The following GALNT2 variants were observed in gnomAD, a reference collection of about 807,000 sequenced individuals.
GALNT2 encodes the protein UDP-GalNAc:polypeptide N-acetylgalactosaminyltransferase 2.
GALNT2 carries 31 observed loss-of-function variants against 81.4 expected under a neutral mutation model. The ratio of observed to expected loss-of-function variants is 0.38; its 90% confidence interval spans 0.29 to 0.51. GALNT2 has a LOEUF of 0.51. GALNT2 is among the 20% of genes least tolerant of loss of function. The pLI is 0.87. For missense variants in GALNT2, 629 were observed against 765.7 expected, an observed-to-expected ratio of 0.82 and a Z score of 2.11; for synonymous variants, 303 against 287.4, an observed-to-expected ratio of 1.05 and a Z score of -0.55.
chr1:230,279,548 G>A lies in GALNT2; in HGVS notation c.*90G>A, dbSNP rs1006424719. The A allele has an allele frequency of 8.3e-6, 12 of 1,451,700 alleles. No homozygotes were observed. The highest frequency in any genetic ancestry group is 1.4e-5 in the African/African-American group (1 of 71,108). 89.9% of individuals were successfully genotyped at this position (1,451,700 alleles called of 1,614,324 possible). On this transcript the variant is annotated 3_prime_UTR_variant, in exon 16 of 16. Coordinates refer to ENST00000366672, the MANE Select transcript of GALNT2 (RefSeq NM_004481.5). The surrounding 1 kb of genome is among the most constrained non-coding windows in gnomAD (Gnocchi z 4.6). ...ATTGATTATGTTTCTTAAACTTTCC[G>A]CGAAACTAATATACCTCAGTATTCC... is the stretch of plus-strand genomic sequence containing the variant.
intron 1 of GALNT2, among the ~76,000 whole-genome samples, chr1:230,158,100 G>A (rs972250184): frequency 1.3e-5 from 2 of 152,212 alleles, no homozygotes; most frequent in African/African-American, 4.8e-5. Context: ...GGTTGAATGG[G>A]TAGGATGAAC....
intron 1 of GALNT2, among the ~76,000 whole-genome samples, chr1:230,134,689 A>G (rs1661481138): frequency 3.9e-5 from 6 of 152,092 alleles, no homozygotes; most frequent in Admixed American, 3.9e-4. Context: ...GACATTTCAC[A>G]GTTGTACTCT....
chr1:230,181,456 T>G (rs537296154), intron 2 of GALNT2, among the ~76,000 whole-genome samples: 1 of 152,376 alleles, frequency 6.6e-6, no homozygotes, highest in East Asian at 1.9e-4. Context: ...TTGATCATGG[T>G]GTATAATTCT....
intron 1 of GALNT2, among the ~76,000 whole-genome samples, chr1:230,060,842 T>C (rs973315101): frequency 3.3e-5 from 5 of 152,200 alleles, no homozygotes; most frequent in Non-Finnish European, 7.3e-5. Flanking sequence ...GCATATATGG[T>C]CTTAGATTTA....
chr1:230,203,508 G>T (rs1211934149), intron 3 of GALNT2, among the ~76,000 whole-genome samples: 2 of 152,210 alleles, frequency 1.3e-5, no homozygotes, highest in Non-Finnish European at 1.5e-5. Context: ...GTGCCCTGTG[G>T]CAGTGTGCAG....
intron 1 of GALNT2, among the ~76,000 whole-genome samples, chr1:230,151,265 A>G (rs1662085670): frequency 6.6e-6 from 1 of 152,202 alleles, no homozygotes; most frequent in South Asian, 2.1e-4. Context: ...GAAGTGTCCC[A>G]GTAGAACGCA....
At chr1:230,261,424 A>G (rs1192470769) in intron 11 of GALNT2, among the ~76,000 whole-genome samples, 1 of 152,168 alleles carries the variant, frequency 6.6e-6, no homozygotes, top group Non-Finnish European at 1.5e-5. Flanking sequence ...TACTGTATTT[A>G]TTTTGGAAGA....
intron 6 of GALNT2, among the ~76,000 whole-genome samples, chr1:230,240,292 A>T (rs1337043940): frequency 6.6e-6 from 1 of 152,062 alleles, no homozygotes; most frequent in Non-Finnish European, 1.5e-5. Context: ...TTCTTTCAGC[A>T]CTTTAAAGGT....
At chr1:230,098,296 T>C (rs2102774580) in intron 1 of GALNT2, among the ~76,000 whole-genome samples, 1 of 152,294 alleles carries the variant, frequency 6.6e-6, no homozygotes, top group Non-Finnish European at 1.5e-5. Context: ...TGGTCAACTC[T>C]GTTTGTATGT....
At chr1:230,100,956 T>C (rs1660385200) in intron 1 of GALNT2, among the ~76,000 whole-genome samples, 1 of 152,248 alleles carries the variant, frequency 6.6e-6, no homozygotes, top group Non-Finnish European at 1.5e-5. Context: ...ATTATAATCT[T>C]GTATTTTTAC....
intron 6 of GALNT2, among the ~76,000 whole-genome samples, chr1:230,238,771 A>G (rs370914252): frequency 2.8e-4 from 42 of 152,276 alleles, no homozygotes; most frequent in African/African-American, 9.6e-4. Context: ...AAGGATTTTT[A>G]TACCTGTGTT....
intron 3 of GALNT2, among the ~76,000 whole-genome samples, chr1:230,220,326 C>T (rs528637118): frequency 1.3e-5 from 2 of 151,600 alleles, no homozygotes; most frequent in Non-Finnish European, 2.9e-5. Flanking sequence ...ATTATGGACC[C>T]TCGCTAGGTA....
chr1:230,254,873 G>GT (rs1485434200), intron 10 of GALNT2, among the ~76,000 whole-genome samples: 1 of 152,206 alleles, frequency 6.6e-6, no homozygotes, highest in African/African-American at 2.4e-5. Flanking sequence ...TGATACTGGG[G>GT]TATACATGAT....
At chr1:230,260,741 C>T (rs906441698) in intron 11 of GALNT2, among the ~76,000 whole-genome samples, 1 of 152,116 alleles carries the variant, frequency 6.6e-6, no homozygotes, top group Non-Finnish European at 1.5e-5. Flanking sequence ...GATCCAGTAT[C>T]CCCCAGCACT....
In GALNT2 at chr1:230,075,271, A is replaced by C. The variant is rs529183005; in HGVS notation, c.126+7865A>C. 7.9e-5 allele frequency among the ~76,000 whole-genome samples: 11 copies of C among 138,688 alleles called. No homozygotes were observed. The South Asian group carries it at 2.6e-3, about 32-fold the overall frequency. The allele number at this position is 138,688 out of a possible 152,430, so 91.0% of individuals were successfully genotyped here. A position where few individuals can be genotyped will look rare whatever the true frequency, so the allele number is the denominator to read the frequency against. ...CTCCTGAGTGGCTAGGATTACAGGC[A>C]CCTACCACCATGCCCAGCTGATTTT... On this transcript the variant is annotated intron_variant, in intron 1 of 15. Coordinates refer to ENST00000366672, the MANE Select transcript of GALNT2 (RefSeq NM_004481.5).
At chr1:230,101,469 G>A (rs1398761315) in intron 1 of GALNT2, among the ~76,000 whole-genome samples, 1 of 152,198 alleles carries the variant, frequency 6.6e-6, no homozygotes, top group African/African-American at 2.4e-5. Flanking sequence ...AGCACCTCAG[G>A]TGCCAAGGTG....
chr1:230,168,810 T>C (rs1662697658), intron 1 of GALNT2, among the ~76,000 whole-genome samples: 1 of 152,244 alleles, frequency 6.6e-6, no homozygotes, highest in Non-Finnish European at 1.5e-5. Flanking sequence ...GTATGATTCA[T>C]TTATTGTAAA....
intron 2 of GALNT2, among the ~76,000 whole-genome samples, chr1:230,188,074 C>T (rs1186045371): frequency 1.3e-5 from 2 of 152,140 alleles, no homozygotes; most frequent in Non-Finnish European, 2.9e-5. Context: ...CCACTCTCTC[C>T]TACCCAGTAT....
chr1:230,265,325 T>C lies in GALNT2; in HGVS notation c.1398T>C (p.Gly466=), dbSNP rs750610750. 15 of 1,614,150 alleles carry C rather than the reference T, an allele frequency of 9.3e-6. No homozygotes were observed. In the Admixed American group the frequency reaches 1.7e-4, roughly 18 times the overall value. Residue 466 remains glycine (G), a synonymous_variant, in exon 14 of 16, where the codon GGT becomes GGC. Transcript: ENST00000366672. ...ACACTTTGGGACACTTTGCTGATGG[T>C]GTGGTTGGAGTTTATGAATGTCACA... ...CLDTLGHFAD[G]VVGVYECHNA...
Sources: gnomAD v4.1 joint callset for allele counts (sites outside exome capture counted in the v4.1 genomes callset) on GRCh38, gnomAD v4.1.1 for gene constraint, Gnocchi (gnomAD v3.1) non-coding constraint, MANE v1.5 for transcripts, NCBI Gene and HGNC (gene_info 2026-07-23, HGNC 2026-07-21) for gene names.